The following INVS variants were observed in gnomAD, a reference collection of about 807,000 sequenced individuals.
INVS encodes inversin.
Under a neutral mutation model 108.8 loss-of-function variants are expected in INVS, and 86 were observed. The ratio of observed to expected loss-of-function variants is 0.79; its 90% CI spans 0.66 to 0.95. The LOEUF (loss-of-function observed/expected upper bound fraction) is 0.95, where lower values mean the gene tolerates loss of function less well. Ranked by LOEUF, INVS falls within the 40% of genes least tolerant of loss-of-function variation. The probability of loss-of-function intolerance (pLI) is 0.00; values close to 1 mark genes in which losing one functional copy is unlikely to be tolerated. For synonymous variants in INVS, 455 were observed against 473.5 expected (o/e 0.96, Z 0.51); for missense variants, 1,169 against 1,297.4 (o/e 0.90, Z 1.52).
At chr9:100,177,854 G>A (rs532251217) in intron 3 of INVS, among the ~76,000 whole-genome samples, 32 of 152,184 alleles carry the variant, frequency 2.1e-4, no homozygotes, top group Non-Finnish European at 4.1e-4. Context: ...AGCAGGGGCC[G>A]ACAGACACCT....
intron 16 of INVS, among the ~76,000 whole-genome samples, chr9:100,299,690 A>C (rs983960517): frequency 2.1e-5 from 3 of 141,788 alleles, no homozygotes; most frequent in Admixed American, 7.1e-5. Context: ...ACCTGGGCCT[A>C]TCTCTTTAAC....
intron 12 of INVS, among the ~76,000 whole-genome samples, chr9:100,279,286 A>G (rs936895937): frequency 3.9e-5 from 6 of 152,204 alleles, no homozygotes; most frequent in Non-Finnish European, 8.8e-5. Flanking sequence ...CTGAAGTCAC[A>G]CAGCTAGTAA....
At chr9:100,183,268 T>C (rs1433663369) in intron 3 of INVS, among the ~76,000 whole-genome samples, 1 of 151,864 alleles carries the variant, frequency 6.6e-6, no homozygotes, top group African/African-American at 2.4e-5. Context: ...AAATTTAAAG[T>C]ATAATTAAAA....
intron 3 of INVS, among the ~76,000 whole-genome samples, chr9:100,141,196 G>A (rs573463127): frequency 2.6e-5 from 4 of 152,246 alleles, no homozygotes; most frequent in African/African-American, 9.6e-5. Flanking sequence ...GTCTTGGAAT[G>A]ATACTGGGGC....
In INVS at chr9:100,195,510, G is replaced by A. The variant is rs566178740; in HGVS notation, c.274-30552G>A. On this transcript the variant is annotated intron_variant, in intron 3 of 16. Transcript: ENST00000262457. ...ATCAATTGATTTTTTTTTTTGAGAC[G>A]GGAGTCTCGCTTTGTTGCTCAAGCT... Among the ~76,000 whole-genome samples the A allele has an allele frequency of 1.3e-4, 20 of 150,006 alleles. No individual in the cohort carries two copies. In the East Asian group the frequency reaches 2.7e-3, roughly 21 times the overall value.
chr9:100,178,358 T>A lies in INVS; in HGVS notation c.274-47704T>A, dbSNP rs1588065170. ...GAGCTTTTTCTGTAAAGGAGCATGT[T>A]CTAACCCAATGCAAGAAAGCTAAGA... On this transcript the variant is annotated intron_variant, in intron 3 of 16. Coordinates refer to ENST00000262457, the MANE Select transcript of INVS (RefSeq NM_014425.5). Among the ~76,000 whole-genome samples the A allele has an allele frequency of 3.3e-5, 5 of 152,304 alleles. 1 individual carries two copies. Among genetic ancestry groups the A allele is most frequent in the Admixed American group, 3.3e-4 (5 of 15,284 alleles).
intron 7 of INVS, among the ~76,000 whole-genome samples, chr9:100,243,849 A>C (rs1831957471): frequency 6.6e-6 from 1 of 152,074 alleles, no homozygotes; most frequent in South Asian, 2.1e-4. Flanking sequence ...CGTTTCTACT[A>C]AAAATACAAA....
At chr9:100,233,720 T>C (rs558434893) in intron 5 of INVS, among the ~76,000 whole-genome samples, 2 of 152,236 alleles carry the variant, frequency 1.3e-5, no homozygotes, top group Non-Finnish European at 1.5e-5. Flanking sequence ...GGGATGAAGC[T>C]GACTTGATCA....
At chr9:100,240,932 T>A (rs1267426261) in intron 6 of INVS, among the ~76,000 whole-genome samples, 1 of 152,118 alleles carries the variant, frequency 6.6e-6, no homozygotes, top group Non-Finnish European at 1.5e-5. Context: ...CCTAATGTTT[T>A]AGGAGGGTTT....
intron 12 of INVS, among the ~76,000 whole-genome samples, chr9:100,277,601 A>G (rs1380553892): frequency 6.6e-6 from 1 of 152,102 alleles, no homozygotes; most frequent in Admixed American, 6.6e-5. Flanking sequence ...TTTTTTTATC[A>G]CATTCTCCAA....
rs377479386 is a variant in INVS at position 100,182,442 on chromosome 9, G to A, written c.274-43620G>A. Among the ~76,000 whole-genome samples the A allele has an allele frequency of 1.6e-4, 25 of 152,176 alleles. 1 individual carries two copies. Among genetic ancestry groups the A allele is most frequent in the Admixed American group, 9.8e-4 (15 of 15,264 alleles). ...AAAAAACAACCCCATCAAAAAGTGG[G>A]CGAAGTATATAAACAGACACGTCTC... is the stretch of plus-strand genomic sequence containing the variant. On this transcript the variant is annotated intron_variant, in intron 3 of 16. Coordinates refer to ENST00000262457, the MANE Select transcript of INVS (RefSeq NM_014425.5).
intron 3 of INVS, among the ~76,000 whole-genome samples, chr9:100,163,046 C>T (rs140048990): frequency 7.2e-5 from 11 of 152,174 alleles, no homozygotes; most frequent in Non-Finnish European, 1.6e-4. Context: ...AAAGCAATGG[C>T]CATAGGCTGT....
intron 3 of INVS, among the ~76,000 whole-genome samples, chr9:100,219,881 GATATATATAT>G (rs61219577): frequency 3.7e-4 from 55 of 148,088 alleles, no homozygotes; most frequent in African/African-American, 1.3e-3. Context: ...GTCGTTTATG[GATATATATAT>G]ATATATATGT....
chr9:100,190,807 A>G (rs528390625), intron 3 of INVS, among the ~76,000 whole-genome samples: 1 of 151,146 alleles, frequency 6.6e-6, no homozygotes, highest in Admixed American at 6.6e-5. Flanking sequence ...TCTTTCCTTC[A>G]TGTTGATTTT....
chr9:100,268,684 C>A (rs1832864017), intron 11 of INVS, among the ~76,000 whole-genome samples: 1 of 151,930 alleles, frequency 6.6e-6, no homozygotes, highest in Non-Finnish European at 1.5e-5. Context: ...TTCTCTCTAC[C>A]TTTTTTATGC....
chr9:100,142,529 T>C (rs745845418), intron 3 of INVS, among the ~76,000 whole-genome samples: 6 of 151,956 alleles, frequency 3.9e-5, no homozygotes, highest in African/African-American at 7.3e-5. Flanking sequence ...AGAGATACAG[T>C]CATGAGGGTC....
chr9:100,147,149 A>G (rs887512108), intron 3 of INVS, among the ~76,000 whole-genome samples: 2 of 152,236 alleles, frequency 1.3e-5, no homozygotes, highest in Non-Finnish European at 2.9e-5. Context: ...CACAAACTGT[A>G]TAACATTGGG....
At chr9:100,251,163 T>G (rs1156640479) in intron 8 of INVS, among the ~76,000 whole-genome samples, 2 of 152,038 alleles carry the variant, frequency 1.3e-5, no homozygotes, top group African/African-American at 2.4e-5. Context: ...GTTTTGTTTT[T>G]GTTTTGTTTT....
chr9:100,153,836 C>T (rs1828882671), intron 3 of INVS, among the ~76,000 whole-genome samples: 1 of 152,274 alleles, frequency 6.6e-6, no homozygotes, highest in South Asian at 2.1e-4. Flanking sequence ...GAACCTACTC[C>T]CATGAAAACA....
Sources: allele counts gnomAD v4.1 joint callset (sites outside exome capture counted in the v4.1 genomes callset), GRCh38; gene constraint gnomAD v4.1.1; transcripts MANE v1.5; gene names NCBI Gene and HGNC (gene_info 2026-07-23, HGNC 2026-07-21).